The following WDR72 variants were observed in gnomAD, a reference collection of about 807,000 sequenced individuals.
WDR72 encodes the protein WD repeat domain 72, also known as WD repeat-containing protein 72.
In WDR72, 120 loss-of-function variants were observed where a neutral mutation model predicts 124.2. The observed-to-expected ratio is 0.97, with a 90% CI of 0.83 to 1.12. The LOEUF is 1.12. Ranked by LOEUF, WDR72 falls within the 50% of genes most tolerant of loss-of-function variation. WDR72 has a pLI of 0.00. For missense variants in WDR72, 1,387 were observed against 1,278.8 expected, an observed-to-expected ratio of 1.08 and a Z score of -1.29; for synonymous variants, 452 against 441.7, an observed-to-expected ratio of 1.02 and a Z score of -0.29.
chr15:53,677,312 T>C (rs1018811675), intron 13 of WDR72, among the ~76,000 whole-genome samples: 2 of 152,210 alleles, frequency 1.3e-5, no homozygotes, highest in Middle Eastern at 3.2e-3. Context: ...CATACTTTTT[T>C]ATAACTCCTT....
intron 14 of WDR72, among the ~76,000 whole-genome samples, chr15:53,658,541 C>T (rs2015506399): frequency 6.6e-6 from 1 of 152,040 alleles, no homozygotes. Context: ...ACTCTGCCAT[C>T]TATACAAAAA....
intron 15 of WDR72, 113 bp from the exon 16 acceptor site, chr15:53,613,870 A>C (rs2013650630): frequency 5.8e-6 from 4 of 687,340 alleles, no homozygotes; most frequent in Non-Finnish European, 1.0e-5. Flanking sequence ...AATTGAATAC[A>C]AATTATTTTT....
chr15:53,694,237 TA>T lies in WDR72; in HGVS notation c.1765+5512del, dbSNP rs1317153372. On this transcript the variant is annotated intron_variant, in intron 13 of 19. Transcript: ENST00000360509. ...CAGAGATCTGTAGGAGCTTGCTGAGTAAGGGAAGCAATTTCAGCATTTTTAT... is the reference window on the plus strand; with the variant it reads ...CAGAGATCTGTAGGAGCTTGCTGAGTAGGGAAGCAATTTCAGCATTTTTAT... 3.3e-5 allele frequency among the ~76,000 whole-genome samples: 5 copies of T among 152,256 alleles called. No individual in the cohort carries two copies. In the East Asian group the frequency reaches 9.6e-4, roughly 29 times the overall value.
chr15:53,590,639 T>G (rs1174447391), intron 18 of WDR72, among the ~76,000 whole-genome samples: 1 of 152,026 alleles, frequency 6.6e-6, no homozygotes, highest in Non-Finnish European at 1.5e-5. Flanking sequence ...AATACGGTGA[T>G]GAAGATCTCA....
intron 1 of WDR72, among the ~76,000 whole-genome samples, chr15:53,739,750 C>G (rs2018457449): frequency 6.6e-6 from 1 of 152,150 alleles, no homozygotes; most frequent in South Asian, 2.1e-4. Flanking sequence ...AATCATTTGA[C>G]CTTCATTCTT....
chr15:53,564,651 A>C (rs1172039374), intron 18 of WDR72, among the ~76,000 whole-genome samples: 1 of 151,826 alleles, frequency 6.6e-6, no homozygotes, highest in Non-Finnish European at 1.5e-5. Flanking sequence ...TGGCTGCTCT[A>C]ACCATTAGCA....
chr15:53,550,925 A>T (rs953922157), intron 18 of WDR72, among the ~76,000 whole-genome samples: 9 of 152,190 alleles, frequency 5.9e-5, no homozygotes, highest in Middle Eastern at 6.3e-3. Flanking sequence ...GATATAAATG[A>T]TTATTAATTA....
At chr15:53,533,304 G>A (rs1892583152) in intron 18 of WDR72, among the ~76,000 whole-genome samples, 1 of 152,050 alleles carries the variant, frequency 6.6e-6, no homozygotes, top group Non-Finnish European at 1.5e-5. Flanking sequence ...CTGAAGAAGA[G>A]TATATTTGTA....
intron 17 of WDR72, among the ~76,000 whole-genome samples, chr15:53,603,740 A>T (rs553154336): frequency 6.6e-4 from 101 of 152,278 alleles, no homozygotes; most frequent in African/African-American, 2.4e-3. Context: ...CAATTGCAAC[A>T]AAAAGAATAA....
chr15:53,544,346 G>T (rs1159221599), intron 18 of WDR72, among the ~76,000 whole-genome samples: 1 of 104,102 alleles, frequency 9.6e-6, no homozygotes, highest in African/African-American at 4.1e-5. Context: ...GGGATGCAAG[G>T]CTGGTTCAAT....
At chr15:53,584,374 T>C (rs746796115) in intron 18 of WDR72, among the ~76,000 whole-genome samples, 8 of 151,898 alleles carry the variant, frequency 5.3e-5, no homozygotes, top group Non-Finnish European at 1.0e-4. Flanking sequence ...TTGGTGTTGT[T>C]TGGTCTAAAA....
At chr15:53,667,375 T>C (rs567214) in intron 13 of WDR72, among the ~76,000 whole-genome samples, 150,782 of 152,234 alleles carry the variant, frequency 0.99, 74,689 homozygotes, top group Middle Eastern at 1. Flanking sequence ...AACACAAAGT[T>C]CGTCACAATG....
At chr15:53,571,127 C>T (rs141739801) in intron 18 of WDR72, among the ~76,000 whole-genome samples, 47 of 152,098 alleles carry the variant, frequency 3.1e-4, no homozygotes, top group African/African-American at 1.1e-3. Context: ...ACAATAGACA[C>T]TGGGGATTCC....
At position 53,517,576 on chromosome 15, in the gene WDR72, G is replaced by A; in HGVS notation, c.*123C>T. On this transcript the variant is annotated 3_prime_UTR_variant, in exon 20 of 20. Transcript: ENST00000360509. ...TTAATACATGTTGGCTAAAGTATTA[G>A]CAAATCCACTACAGCCTAATAACTT... 1 of 1,002,208 alleles carries A rather than the reference G, an allele frequency of 1.0e-6. No individual in the cohort carries two copies. The highest frequency in any genetic ancestry group is 1.6e-6 in the Non-Finnish European group (1 of 632,768). 62.1% of individuals were successfully genotyped at this position (1,002,208 alleles called of 1,614,324 possible).
chr15:53,704,990 T>A lies in WDR72; in HGVS notation c.1346A>T (p.Lys449Ile). ...AGGGTCAAATAAAATTCAAGGACCT[T>A]TTACTAAAGAACCACCTTCCAGAAG... ...ARLLEGGSLV[K>I]DSPPHKVLKG... Residue 449 changes from lysine (K) to isoleucine (I), a missense_variant and splice_region_variant, in exon 11 of 20, where the codon AAA (lysine) becomes ATA (isoleucine). Lys to Ile is a moderately radical substitution (Grantham distance 102). Coordinates refer to ENST00000360509, the MANE Select transcript of WDR72 (RefSeq NM_182758.4). The A allele has an allele frequency of 6.2e-7, 1 of 1,613,818 alleles. No homozygotes were observed. The highest frequency in any genetic ancestry group is 8.5e-7 in the Non-Finnish European group (1 of 1,179,972).
intron 9 of WDR72, among the ~76,000 whole-genome samples, chr15:53,707,535 C>T (rs1279084633): frequency 6.6e-6 from 1 of 152,062 alleles, no homozygotes; most frequent in Non-Finnish European, 1.5e-5. Context: ...CAAGCTCTGC[C>T]TCCAGGGTTC....
chr15:53,622,217 C>T (rs2014023785), intron 14 of WDR72, among the ~76,000 whole-genome samples: 1 of 152,100 alleles, frequency 6.6e-6, no homozygotes, highest in Non-Finnish European at 1.5e-5. Context: ...GACACTGTAG[C>T]GATTCCTCGA....
At position 53,748,310 on chromosome 15, in the gene WDR72, CT is replaced by C. The variant is rs1184739840; in HGVS notation, c.-13+11322del. 3.3e-5 allele frequency among the ~76,000 whole-genome samples: 5 copies of C among 152,048 alleles called. No homozygotes were observed. The East Asian group carries it at 7.7e-4, about 23-fold the overall frequency. ...AAAAACAATCTGGAAAACTGTTTGC[CT>C]AATATCTCTCTTTAAATTAACTTGC... On this transcript the variant is annotated intron_variant, in intron 1 of 19. Transcript: ENST00000360509.
chr15:53,710,498 T>A (rs1369170696), intron 9 of WDR72, among the ~76,000 whole-genome samples: 1 of 152,074 alleles, frequency 6.6e-6, no homozygotes, highest in Non-Finnish European at 1.5e-5. Context: ...TATTTGAAAA[T>A]TTTCCAATCA....
Sources: allele counts gnomAD v4.1 joint callset (sites outside exome capture counted in the v4.1 genomes callset), GRCh38; gene constraint gnomAD v4.1.1; transcripts MANE v1.5; gene names NCBI Gene and HGNC (gene_info 2026-07-23, HGNC 2026-07-21).